CCDC150: variants seen among roughly 807,000 people sequenced by gnomAD.
The protein encoded by CCDC150 is coiled-coil domain containing 150.
A neutral mutation model predicts 156.5 loss-of-function variants in CCDC150; 151 were observed. The ratio of observed to expected loss-of-function variants is 0.97; its 90% CI spans 0.85 to 1.10. CCDC150 has a LOEUF of 1.10. Among genes scored for constraint, CCDC150 ranks in the 50% least tolerant of loss-of-function variants. CCDC150 has a pLI of 0.00. For synonymous variants in CCDC150, 452 were observed against 429.4 expected, an observed-to-expected ratio of 1.05 and a Z score of -0.65; for missense variants, 1,312 against 1,268.1, an observed-to-expected ratio of 1.03 and a Z score of -0.53.
At chr2:196,665,113 C>T (rs1362884154) in intron 5 of CCDC150, among the ~76,000 whole-genome samples, 2 of 152,020 alleles carry the variant, frequency 1.3e-5, no homozygotes, top group Non-Finnish European at 2.9e-5. Context: ...ACAGAAAATA[C>T]ACACTAAGGT....
Position 196,721,541 on chromosome 2 carries a change from C to T in CCDC150, c.2279C>T (p.Ala760Val), listed in dbSNP as rs768346644. Reference sequence around the variant, plus strand: ...TTTCAGATTGAATCTCTACAAAAAGCTCTAGGTGTAGCTAGAGAAGACAAC... The same window carrying T: ...TTTCAGATTGAATCTCTACAAAAAGTTCTAGGTGTAGCTAGAGAAGACAAC... ...HNSEIESLQK[A>V]LGVAREDNRK... Residue 760 changes from alanine (A) to valine (V), a missense_variant, in exon 21 of 28, where the codon GCT becomes GTT. Coordinates refer to ENST00000389175, the MANE Select transcript of CCDC150 (RefSeq NM_001080539.2). The T allele has an allele frequency of 2.7e-5, 43 of 1,604,020 alleles. No homozygotes were observed. Among genetic ancestry groups the T allele is most frequent in the African/African-American group, 4.0e-5 (3 of 74,404 alleles).
In CCDC150 at chr2:196,665,612, G is replaced by T; in HGVS notation, c.691G>T (p.Glu231Ter). 6.2e-7 allele frequency: 1 copy of T among 1,606,274 alleles called. No homozygotes were observed. Among genetic ancestry groups the T allele is most frequent in the South Asian group, 1.1e-5 (1 of 88,658 alleles). ...AQEKYLRESLEKSASAMLLKI... is the reference protein window; with the variant it reads ...AQEKYLRESL The stretch of plus-strand genomic sequence containing the variant: ...GGAGAAGTACCTTAGGGAATCTTTA[G>T]AGAAATCAGCATCAGCCATGCTCCT... Residue 231 changes from glutamate to a stop codon, truncating the protein, a stop_gained, in exon 6 of 28, where the codon GAG (glutamate) becomes TAG (stop). Coordinates refer to ENST00000389175, the MANE Select transcript of CCDC150 (RefSeq NM_001080539.2). LOFTEE classifies it high-confidence loss of function.
intron 14 of CCDC150, among the ~76,000 whole-genome samples, chr2:196,698,811 G>C (rs750714075): frequency 6.6e-6 from 1 of 152,144 alleles, no homozygotes; most frequent in East Asian, 1.9e-4. Flanking sequence ...TTTAACATTA[G>C]GTATATCTCC....
intron 15 of CCDC150, among the ~76,000 whole-genome samples, chr2:196,710,704 A>T (rs1697051438): frequency 6.6e-6 from 1 of 152,260 alleles, no homozygotes; most frequent in Non-Finnish European, 1.5e-5. Context: ...ACATGTGTTA[A>T]CATGGATGAA....
intron 17 of CCDC150, chr2:196,713,270 C>CT: frequency 1.4e-6 from 2 of 1,391,134 alleles, no homozygotes; most frequent in Non-Finnish European, 1.9e-6. Flanking sequence ...TTCTAGAACA[C>CT]TGTGTTGTTT....
chr2:196,708,884 A>G (rs143214951), intron 15 of CCDC150, among the ~76,000 whole-genome samples: 1,663 of 152,274 alleles, frequency 0.011, 34 homozygotes, highest in African/African-American at 0.038. Flanking sequence ...TCTTAGTCTG[A>G]TGGGCTTTCC....
At chr2:196,656,040 C>CT (rs1693167520) in intron 2 of CCDC150, among the ~76,000 whole-genome samples, 2 of 152,114 alleles carry the variant, frequency 1.3e-5, no homozygotes, top group African/African-American at 4.8e-5. Flanking sequence ...AAACTGGGAG[C>CT]TTTGAGTTGT....
intron 5 of CCDC150, among the ~76,000 whole-genome samples, chr2:196,662,901 C>T (rs1693636167): frequency 6.6e-6 from 1 of 151,714 alleles, no homozygotes; most frequent in Non-Finnish European, 1.5e-5. Flanking sequence ...TGCACTCCAG[C>T]CTGGGCCACA....
chr2:196,648,851 T>C (rs896172296), intron 2 of CCDC150, among the ~76,000 whole-genome samples: 1 of 152,214 alleles, frequency 6.6e-6, no homozygotes, highest in Non-Finnish European at 1.5e-5. Context: ...TTCATTCTTC[T>C]GTATGTGGAT....
intron 26 of CCDC150, among the ~76,000 whole-genome samples, chr2:196,731,696 A>G (rs573379391): frequency 6.6e-6 from 1 of 152,174 alleles, no homozygotes; most frequent in South Asian, 2.1e-4. Context: ...ATGAACTACT[A>G]CATTCTTAAG....
At chr2:196,673,553 A>G (rs1694330049) in intron 9 of CCDC150, among the ~76,000 whole-genome samples, 2 of 151,922 alleles carry the variant, frequency 1.3e-5, no homozygotes, top group Admixed American at 1.3e-4. Context: ...ACTCCATTTT[A>G]TTTTTTGTGT....
chr2:196,713,526 T>G, intron 17 of CCDC150: 2 of 1,550,586 alleles, frequency 1.3e-6, no homozygotes, highest in Non-Finnish European at 1.7e-6. Flanking sequence ...CTGCCTTCTA[T>G]GAAAACATCT....
intron 4 of CCDC150, among the ~76,000 whole-genome samples, chr2:196,658,534 G>A (rs1387387405): frequency 2.0e-5 from 3 of 152,104 alleles, no homozygotes; most frequent in Non-Finnish European, 4.4e-5. Context: ...TTATATAGGA[G>A]GTGGGTGCGA....
chr2:196,709,873 C>T lies in CCDC150; in HGVS notation c.1696-2272C>T, dbSNP rs1259182960. ...AGCAAATATGGCTGCCTGATCCTTC[C>T]TCTGGAAGTTTTGTCCTGGTGGGGC... On this transcript the variant is annotated intron_variant, in intron 15 of 27. Transcript: ENST00000389175. Among the ~76,000 whole-genome samples the T allele has an allele frequency of 5.3e-5, 8 of 152,182 alleles. No homozygotes were observed. The East Asian group carries it at 7.7e-4, about 15-fold the overall frequency.
At chr2:196,677,011 C>G in intron 12 of CCDC150, 1 of 668,124 alleles carries the variant, frequency 1.5e-6, no homozygotes, top group Non-Finnish European at 2.8e-6. Context: ...ATTGATTTCC[C>G]CTGAAGGAGT....
At chr2:196,712,907 C>T (rs556664547) in intron 17 of CCDC150, among the ~76,000 whole-genome samples, 168 bp downstream of exon 17, 41 of 152,318 alleles carry the variant, frequency 2.7e-4, no homozygotes, top group African/African-American at 9.9e-4. Flanking sequence ...GAAAGTGACT[C>T]ATTTCAATTA....
intron 15 of CCDC150, among the ~76,000 whole-genome samples, 197 bp from the exon 16 acceptor site, chr2:196,711,948 A>C (rs954595102): frequency 1.5e-4 from 23 of 151,796 alleles, no homozygotes; most frequent in African/African-American, 5.1e-4. Context: ...ATGGCTACAG[A>C]GTGTATATCA....
intron 5 of CCDC150, among the ~76,000 whole-genome samples, chr2:196,664,775 A>C (rs1488640461): frequency 4.8e-5 from 7 of 145,292 alleles, no homozygotes; most frequent in African/African-American, 1.0e-4. Context: ...ACCTTCCCCC[A>C]CCCCCCAGCC....
intron 15 of CCDC150, among the ~76,000 whole-genome samples, chr2:196,705,336 G>A (rs554827838): frequency 3.3e-5 from 5 of 152,250 alleles, no homozygotes; most frequent in Non-Finnish European, 2.9e-5. Context: ...GTGTCTGTTG[G>A]CTGCATAAAT....
Sources: allele counts gnomAD v4.1 joint callset (sites outside exome capture counted in the v4.1 genomes callset), GRCh38; gene constraint gnomAD v4.1.1; transcripts MANE v1.5; gene names NCBI Gene and HGNC (gene_info 2026-07-23, HGNC 2026-07-21).